The following PHTF2 variants were observed in gnomAD, a reference collection of about 807,000 sequenced individuals.
The protein encoded by PHTF2 is putative homeodomain transcription factor 2, also known as protein PHTF2.
A neutral mutation model predicts 101.2 loss-of-function variants in PHTF2; 60 were observed. The ratio of observed to expected loss-of-function variants is 0.59; its 90% confidence interval spans 0.48 to 0.73. The LOEUF (loss-of-function observed/expected upper bound fraction) is 0.73, where lower values mean the gene tolerates loss of function less well. PHTF2 is among the 30% of genes least tolerant of loss of function. The probability of loss-of-function intolerance (pLI) is 0.00; values close to 1 mark genes in which losing one functional copy is unlikely to be tolerated. For missense variants in PHTF2, 747 were observed against 908.7 expected (o/e 0.82, Z 2.29); for synonymous variants, 311 against 307.3 (o/e 1.01, Z -0.13).
At chr7:77,840,949 T>C (rs951274731) in intron 2 of PHTF2, among the ~76,000 whole-genome samples, 13 of 152,118 alleles carry the variant, frequency 8.5e-5, no homozygotes, top group African/African-American at 2.9e-4. Flanking sequence ...CTTAGATCTT[T>C]TGTGTACATA....
At chr7:77,880,504 CAA>C (rs1214237193) in intron 3 of PHTF2, among the ~76,000 whole-genome samples, 5 of 152,150 alleles carry the variant, frequency 3.3e-5, no homozygotes, top group African/African-American at 1.2e-4. Flanking sequence ...AGATGTCTTA[CAA>C]GTGGATGCCC....
intron 1 of PHTF2, among the ~76,000 whole-genome samples, chr7:77,830,409 C>T (rs182987829): frequency 3.9e-5 from 6 of 152,330 alleles, no homozygotes; most frequent in Admixed American, 6.5e-5. Flanking sequence ...GGCTGCACTA[C>T]GGGAGGTGAG....
At chr7:77,932,577 A>C (rs1804666295) in intron 12 of PHTF2, among the ~76,000 whole-genome samples, 1 of 131,828 alleles carries the variant, frequency 7.6e-6, no homozygotes. Flanking sequence ...AGGGAGAGAG[A>C]GAAAGAGGAA....
At chr7:77,939,542 A>AT (rs1805452100) in intron 13 of PHTF2, among the ~76,000 whole-genome samples, 1 of 146,140 alleles carries the variant, frequency 6.8e-6, no homozygotes, top group Non-Finnish European at 1.5e-5. Flanking sequence ...TGAGCCCATT[A>AT]TTGTGCCACT....
intron 12 of PHTF2, among the ~76,000 whole-genome samples, 170 bp from the exon 12 acceptor site, chr7:77,937,540 A>G (rs948549347): frequency 6.6e-6 from 1 of 152,170 alleles, no homozygotes; most frequent in Non-Finnish European, 1.5e-5. Context: ...TTAGCTGTGC[A>G]CAGATCTATA....
intron 16 of PHTF2, among the ~76,000 whole-genome samples, chr7:77,947,791 C>T (rs1258916331): frequency 6.8e-6 from 1 of 147,774 alleles, no homozygotes; most frequent in South Asian, 2.1e-4. Context: ...GAACAAGTTG[C>T]TGTACCAGAA....
chr7:77,841,104 ATC>A (rs1167733760), intron 2 of PHTF2, among the ~76,000 whole-genome samples: 1 of 44,848 alleles, frequency 2.2e-5, no homozygotes. Flanking sequence ...TTGAGATGGA[ATC>A]TCTCTCTCTG....
chr7:77,836,830 T>TG (rs1795511564), intron 1 of PHTF2, among the ~76,000 whole-genome samples: 1 of 151,056 alleles, frequency 6.6e-6, no homozygotes, highest in African/African-American at 2.4e-5. Context: ...GTGGGGGGCT[T>TG]GGGGAAGGAT....
At chr7:77,818,137 G>T (rs1019253198) in intron 1 of PHTF2, among the ~76,000 whole-genome samples, 9 of 151,660 alleles carry the variant, frequency 5.9e-5, no homozygotes, top group Admixed American at 1.3e-4. Context: ...AACAGTTTGA[G>T]TTCCTTGTAT....
intron 1 of PHTF2, among the ~76,000 whole-genome samples, chr7:77,837,995 G>A (rs1464091220): frequency 6.6e-6 from 1 of 152,078 alleles, no homozygotes; most frequent in African/African-American, 2.4e-5. Flanking sequence ...ATTGGGTAAA[G>A]TGAAAAGAGG....
At chr7:77,929,377 A>G (rs1403466958) in intron 12 of PHTF2, 50 bp downstream of exon 11, 1 of 878,232 alleles carries the variant, frequency 1.1e-6, no homozygotes, top group Non-Finnish European at 1.9e-6. Context: ...AGCTCCTTTG[A>G]ATTTATGTTC....
intron 3 of PHTF2, among the ~76,000 whole-genome samples, chr7:77,873,389 A>G (rs549842444): frequency 2.0e-5 from 3 of 152,152 alleles, no homozygotes; most frequent in Admixed American, 6.5e-5. Context: ...TTCTATTTAT[A>G]TAAATTAGAA....
At chr7:77,807,658 T>TA (rs1793101888) in intron 1 of PHTF2, among the ~76,000 whole-genome samples, 1 of 152,160 alleles carries the variant, frequency 6.6e-6, no homozygotes, top group African/African-American at 2.4e-5. Flanking sequence ...GGGAGAAAAA[T>TA]ATATGCCTTT....
intron 3 of PHTF2, among the ~76,000 whole-genome samples, chr7:77,857,135 G>A (rs35820944): frequency 0.16 from 24,759 of 152,106 alleles, 2,306 homozygotes; most frequent in African/African-American, 0.25. Flanking sequence ...CCAGGTATGC[G>A]CAGTGACCTA....
intron 12 of PHTF2, 42 bp downstream of exon 11, chr7:77,929,369 C>A: frequency 1.0e-6 from 1 of 958,744 alleles, no homozygotes; most frequent in Non-Finnish European, 1.7e-6. Context: ...ATGAGTCAAG[C>A]TCCTTTGAAT....
intron 16 of PHTF2, among the ~76,000 whole-genome samples, chr7:77,943,981 G>C (rs1805843732): frequency 6.6e-6 from 1 of 151,944 alleles, no homozygotes; most frequent in East Asian, 1.9e-4. Context: ...CAGCCTGGGG[G>C]ATACAGCAAG....
intron 2 of PHTF2, among the ~76,000 whole-genome samples, chr7:77,843,311 A>G (rs970927783): frequency 5.9e-5 from 9 of 152,108 alleles, no homozygotes; most frequent in Non-Finnish European, 1.0e-4. Flanking sequence ...GGTTTTACGA[A>G]TTCTTTTTCT....
chr7:77,874,729 A>G (rs1416026892), intron 3 of PHTF2, among the ~76,000 whole-genome samples: 2 of 152,208 alleles, frequency 1.3e-5, no homozygotes, highest in Non-Finnish European at 2.9e-5. Context: ...ACCCTCACAG[A>G]CACACCCAGG....
chr7:77,876,304 T>A (rs1584561653), intron 3 of PHTF2, among the ~76,000 whole-genome samples: 2 of 152,342 alleles, frequency 1.3e-5, no homozygotes, highest in South Asian at 4.1e-4. Context: ...AATACAACTA[T>A]CACTTTTTAA....
Sources: gnomAD v4.1 joint callset for allele counts (sites outside exome capture counted in the v4.1 genomes callset) on GRCh38, gnomAD v4.1.1 for gene constraint, MANE v1.5 for transcripts, NCBI Gene and HGNC (gene_info 2026-07-23, HGNC 2026-07-21) for gene names.